The following USP4 variants were observed in gnomAD, a reference collection of about 807,000 sequenced individuals.
USP4 encodes ubiquitin carboxyl-terminal hydrolase 4.
In USP4, 72 loss-of-function variants were observed where a neutral mutation model predicts 118.2. That is an observed-to-expected ratio of 0.61 (90% CI 0.50 to 0.74). The LOEUF (loss-of-function observed/expected upper bound fraction) is 0.74. Ranked by LOEUF, USP4 falls within the 30% of genes least tolerant of loss-of-function variation. The pLI, the probability that USP4 is intolerant of heterozygous loss-of-function variation, is 0.00. For missense variants in USP4, 1,037 were observed against 1,185.7 expected, an observed-to-expected ratio of 0.87 and a Z score of 1.84; for synonymous variants, 415 against 440.4, an observed-to-expected ratio of 0.94 and a Z score of 0.72.
At chr3:49,282,130 G>C (rs374863728) in intron 19 of USP4, among the ~76,000 whole-genome samples, 1 of 152,150 alleles carries the variant, frequency 6.6e-6, no homozygotes, top group East Asian at 1.9e-4. Context: ...TACACACAGA[G>C]GGCTTCAGCA....
rs530113621 is a variant in USP4, at chr3:49,289,541, G to C, written c.1972+2969C>G. 2.8e-3 allele frequency among the ~76,000 whole-genome samples: 420 copies of C among 152,160 alleles called. 3 individuals carry two copies. The highest frequency in any genetic ancestry group is 9.4e-3 in the African/African-American group (390 of 41,508). On this transcript the variant is annotated intron_variant, in intron 15 of 21. Transcript: ENST00000265560. Reference sequence around the variant, plus strand: ...AAATGTATTCCTACTTATCCCTAGCGGGAAATGAACATAACATTTCGGGCA... The same window carrying C: ...AAATGTATTCCTACTTATCCCTAGCCGGAAATGAACATAACATTTCGGGCA...
At chr3:49,338,194 C>G (rs889308507) in intron 1 of USP4, among the ~76,000 whole-genome samples, 1 of 151,986 alleles carries the variant, frequency 6.6e-6, no homozygotes, top group African/African-American at 2.4e-5. Flanking sequence ...CAGGCAGCTT[C>G]CCAGAGGTCA....
intron 13 of USP4, among the ~76,000 whole-genome samples, 180 bp from the exon 14 acceptor site, chr3:49,294,778 G>A (rs955565232): frequency 1.3e-5 from 2 of 152,186 alleles, no homozygotes; most frequent in Non-Finnish European, 2.9e-5. Context: ...ATCCCTAGAA[G>A]GACCATTGTC....
At chr3:49,325,610 G>A in intron 4 of USP4, 109 bp downstream of exon 4, 2 of 1,478,532 alleles carry the variant, frequency 1.4e-6, no homozygotes, top group Non-Finnish European at 1.8e-6. Flanking sequence ...AGATGATTTG[G>A]GTAACAAATC....
intron 6 of USP4, among the ~76,000 whole-genome samples, chr3:49,315,206 G>C (rs1430065152): frequency 6.6e-6 from 1 of 152,034 alleles, no homozygotes; most frequent in African/African-American, 2.4e-5. Flanking sequence ...GAAAAAGCCA[G>C]GCATAGCAGC....
intron 15 of USP4, among the ~76,000 whole-genome samples, chr3:49,291,029 C>T (rs1256856997): frequency 6.6e-6 from 1 of 151,816 alleles, no homozygotes; most frequent in Non-Finnish European, 1.5e-5. Flanking sequence ...AGTGCAGTGG[C>T]GTGATCTTGG....
chr3:49,295,112 A>G (rs969283154), intron 13 of USP4, among the ~76,000 whole-genome samples: 3 of 151,880 alleles, frequency 2.0e-5, no homozygotes, highest in East Asian at 1.9e-4. Context: ...ACACGGTGAA[A>G]CCCCATCTCT....
At chr3:49,318,402 C>T (rs2047463034) in intron 6 of USP4, 2 of 985,532 alleles carry the variant, frequency 2.0e-6, no homozygotes, top group Non-Finnish European at 2.4e-6. Context: ...TCTCTTCTGG[C>T]TCTGGGCTGG....
At chr3:49,321,716 G>A (rs932618281) in intron 6 of USP4, among the ~76,000 whole-genome samples, 1 of 151,838 alleles carries the variant, frequency 6.6e-6, no homozygotes, top group Non-Finnish European at 1.5e-5. Flanking sequence ...TTTTTTGGCC[G>A]GGCGCCGTGG....
chr3:49,298,497 C>T, intron 12 of USP4, 55 bp downstream of exon 12: 1 of 1,572,516 alleles, frequency 6.4e-7, no homozygotes, highest in Non-Finnish European at 8.8e-7. Context: ...AAGTAAACTC[C>T]AAATGCTATG....
rs148734128 is a variant in USP4, at chr3:49,284,916, C to T, written c.2204G>A (p.Arg735Gln). 40 of 1,583,338 alleles carry T rather than the reference C, an allele frequency of 2.5e-5. No individual in the cohort carries two copies. Among genetic ancestry groups the T allele is most frequent in the Middle Eastern group, 1.7e-4 (1 of 5,960 alleles). The change falls in exon 17 of 22, where the codon CGA (arginine) becomes CAA (glutamine). Residue 735 changes from arginine to glutamine, a missense_variant. By Grantham distance (43) the Arg-to-Gln change is conservative. Around this residue, in one of 3 missense-constraint regions of USP4, gnomAD observed 522 missense variants for 592.6 expected, o/e 0.88. Coordinates refer to ENST00000265560, the MANE Select transcript of USP4 (RefSeq NM_003363.4). ...ADGKLLKLNS[R>Q]STLAMDWDSE... ...GTCCCAATCCATGGCCAGTGTAGAT[C>T]GAGCTGAGGAGGACCAAAATGTCAC...
intron 6 of USP4, among the ~76,000 whole-genome samples, chr3:49,314,615 G>A (rs1318335411): frequency 6.6e-6 from 1 of 152,190 alleles, no homozygotes; most frequent in Non-Finnish European, 1.5e-5. Flanking sequence ...ACTGAGGGAG[G>A]TAAGACAGAA....
chr3:49,338,675 A>AAAAAG (rs1230186378), intron 1 of USP4, among the ~76,000 whole-genome samples: 61 of 150,816 alleles, frequency 4.0e-4, no homozygotes, highest in Non-Finnish European at 6.2e-4. Context: ...AAAAAAAAAA[A>AAAAAG]AAAAGAAAAG....
rs189191726 is a variant in USP4 at position 49,283,048 on chromosome 3, G to A, written c.2540+939C>T. 9.1e-5 allele frequency among the ~76,000 whole-genome samples: 9 copies of A among 98,532 alleles called. No individual in the cohort carries two copies. In the East Asian group the frequency reaches 1.5e-3, roughly 16 times the overall value. The allele number at this position is 98,532 out of a possible 152,430, so 64.6% of individuals were successfully genotyped here. ...TTTTTTTTTTTTGAGATAGAGTCTC[G>A]CTCTGTCACCAGGCTGGAGTGCAGT... On this transcript the variant is annotated intron_variant, in intron 19 of 21. Transcript: ENST00000265560.
At chr3:49,305,625 A>T in intron 9 of USP4, 90 bp downstream of exon 9, 1 of 1,258,726 alleles carries the variant, frequency 7.9e-7, no homozygotes, top group South Asian at 1.9e-5. Flanking sequence ...ATAAAAAAAA[A>T]TCCTAAAAAA....
At chr3:49,281,959 C>T (rs965274618) in intron 19 of USP4, among the ~76,000 whole-genome samples, 64 of 151,680 alleles carry the variant, frequency 4.2e-4, no homozygotes, top group Non-Finnish European at 8.0e-4. Context: ...TGTAGTGAGC[C>T]GAGATCGCAC....
chr3:49,315,075 T>A (rs1029155518), intron 6 of USP4, among the ~76,000 whole-genome samples: 2 of 151,792 alleles, frequency 1.3e-5, no homozygotes, highest in Admixed American at 6.6e-5. Flanking sequence ...ATACTTTTTA[T>A]ATGCTTGAAA....
chr3:49,292,050 G>A (rs533357401), intron 15 of USP4, among the ~76,000 whole-genome samples: 5 of 151,974 alleles, frequency 3.3e-5, no homozygotes, highest in African/African-American at 1.2e-4. Context: ...CTCGTGATCC[G>A]CCCTCCTCGG....
chr3:49,317,021 G>A (rs2047443894), intron 6 of USP4: 3 of 842,120 alleles, frequency 3.6e-6, no homozygotes, highest in Non-Finnish European at 5.9e-6. Context: ...GACGCTCTGT[G>A]GACAGACTTG....
Sources: allele counts gnomAD v4.1 joint callset (sites outside exome capture counted in the v4.1 genomes callset), GRCh38; gene constraint gnomAD v4.1.1; regional missense constraint gnomAD v4.1.1; transcripts MANE v1.5; gene names NCBI Gene and HGNC (gene_info 2026-07-23, HGNC 2026-07-21).